Variants in CNTN5 observed in about 807,000 individuals in gnomAD.
CNTN5 encodes contactin 5.
CNTN5 carries 77 observed loss-of-function variants against 129.1 expected under a neutral mutation model. That is an observed-to-expected ratio of 0.60 (90% CI 0.50 to 0.72). The LOEUF (loss-of-function observed/expected upper bound fraction) is 0.72. Ranked by LOEUF, CNTN5 falls within the 30% of genes least tolerant of loss-of-function variation. The pLI is 0.00. For synonymous variants in CNTN5, 509 were observed against 465.6 expected (o/e 1.09, Z -1.20); for missense variants, 1,478 against 1,328.8 (o/e 1.11, Z -1.75).
At chr11:99,724,080 A>G (rs561743299) in intron 3 of CNTN5, among the ~76,000 whole-genome samples, 109 of 152,248 alleles carry the variant, frequency 7.2e-4, no homozygotes, top group Non-Finnish European at 8.1e-4. Flanking sequence ...TCTTCAATCA[A>G]ACTAGAAACT....
At chr11:99,321,172 C>A (rs1175678240) in intron 1 of CNTN5, among the ~76,000 whole-genome samples, 2 of 151,020 alleles carry the variant, frequency 1.3e-5, no homozygotes, top group Non-Finnish European at 1.5e-5. Flanking sequence ...CTTGTCAGCT[C>A]CCATAATCAC....
At chr11:99,928,463 T>C (rs1950113870) in intron 7 of CNTN5, among the ~76,000 whole-genome samples, 1 of 152,192 alleles carries the variant, frequency 6.6e-6, no homozygotes, top group Non-Finnish European at 1.5e-5. Context: ...CACTCCCATA[T>C]TCTGAAATCT....
intron 6 of CNTN5, among the ~76,000 whole-genome samples, chr11:99,865,186 G>A (rs1328309551): frequency 3.3e-5 from 5 of 151,970 alleles, no homozygotes; most frequent in Admixed American, 2.0e-4. Context: ...TTCCTTCTGT[G>A]CTTCAATAGC....
chr11:100,322,389 A>AT (rs1224152640), intron 21 of CNTN5, among the ~76,000 whole-genome samples: 1 of 151,770 alleles, frequency 6.6e-6, no homozygotes, highest in East Asian at 1.9e-4. Context: ...CGCCCGGCTA[A>AT]TTTTTTGTAT....
At chr11:100,229,225 C>T (rs1025523867) in intron 16 of CNTN5, among the ~76,000 whole-genome samples, 2 of 152,000 alleles carry the variant, frequency 1.3e-5, no homozygotes, top group Non-Finnish European at 2.9e-5. Context: ...TTTATTTTAC[C>T]CCATGAGTCA....
intron 3 of CNTN5, among the ~76,000 whole-genome samples, chr11:99,563,081 C>A (rs528974538): frequency 1.3e-5 from 2 of 152,014 alleles, no homozygotes; most frequent in African/African-American, 4.8e-5. Flanking sequence ...GAAGTACAGG[C>A]TGAAAAGAAT....
intron 7 of CNTN5, among the ~76,000 whole-genome samples, chr11:99,937,530 A>C (rs1413446215): frequency 6.6e-6 from 1 of 152,068 alleles, no homozygotes; most frequent in Non-Finnish European, 1.5e-5. Flanking sequence ...TGTGCTTCGG[A>C]GATGTGTGTG....
At chr11:100,299,948 A>T (rs1951182526) in intron 20 of CNTN5, among the ~76,000 whole-genome samples, 1 of 151,496 alleles carries the variant, frequency 6.6e-6, no homozygotes, top group Non-Finnish European at 1.5e-5. Flanking sequence ...AGAGAAATTG[A>T]CTTTCGGAAA....
At chr11:99,096,130 G>A (rs891127526) in intron 1 of CNTN5, among the ~76,000 whole-genome samples, 4 of 151,746 alleles carry the variant, frequency 2.6e-5, no homozygotes, top group African/African-American at 9.7e-5. Flanking sequence ...TACTAGTTAA[G>A]TAAATGTATC....
At chr11:99,055,523 C>T (rs1006910303) in intron 1 of CNTN5, among the ~76,000 whole-genome samples, 1 of 151,790 alleles carries the variant, frequency 6.6e-6, no homozygotes, top group Non-Finnish European at 1.5e-5. Flanking sequence ...GGAGACGTGC[C>T]CATTGGCTTT....
chr11:99,537,895 A>T (rs1054047879), intron 2 of CNTN5, among the ~76,000 whole-genome samples: 1 of 152,176 alleles, frequency 6.6e-6, no homozygotes, highest in Non-Finnish European at 1.5e-5. Context: ...TTAATGGCCT[A>T]GAAGACTTCA....
chr11:99,348,116 G>T (rs1216188256), intron 2 of CNTN5, among the ~76,000 whole-genome samples: 1 of 152,068 alleles, frequency 6.6e-6, no homozygotes, highest in Non-Finnish European at 1.5e-5. Context: ...CTTCTTAGCG[G>T]ATCACGAGGT....
At chr11:99,886,632 A>G (rs1359172887) in intron 6 of CNTN5, among the ~76,000 whole-genome samples, 1 of 152,228 alleles carries the variant, frequency 6.6e-6, no homozygotes, top group Non-Finnish European at 1.5e-5. Flanking sequence ...TGTTCTTAGC[A>G]GGATCGGTTG....
At chr11:99,834,766 A>C (rs1947251162) in intron 4 of CNTN5, among the ~76,000 whole-genome samples, 1 of 152,182 alleles carries the variant, frequency 6.6e-6, no homozygotes, top group Non-Finnish European at 1.5e-5. Context: ...AGATGGGGTT[A>C]CTACTAAGGC....
intron 1 of CNTN5, among the ~76,000 whole-genome samples, chr11:99,206,895 C>G (rs1328970103): frequency 6.6e-6 from 1 of 151,962 alleles, no homozygotes; most frequent in East Asian, 1.9e-4. Flanking sequence ...CCCCAAAAAG[C>G]AAACAAAAAC....
At chr11:99,369,433 A>T (rs1250758191) in intron 2 of CNTN5, among the ~76,000 whole-genome samples, 2 of 151,272 alleles carry the variant, frequency 1.3e-5, no homozygotes, top group East Asian at 1.9e-4. Flanking sequence ...TCCTAATTAT[A>T]CCAGTTTTCC....
At chr11:100,070,309 A>G in intron 10 of CNTN5, 115 bp from the exon 11 acceptor site, 2 of 1,061,792 alleles carry the variant, frequency 1.9e-6, no homozygotes, top group Non-Finnish European at 1.3e-6. Flanking sequence ...CAAAATACCT[A>G]TGGTTGAATG....
chr11:99,261,386 T>C (rs750392298), intron 1 of CNTN5, among the ~76,000 whole-genome samples: 2 of 152,044 alleles, frequency 1.3e-5, no homozygotes, highest in Non-Finnish European at 2.9e-5. Context: ...AGTAAAACAT[T>C]GATTGTTTAA....
chr11:100,097,216 C>G (rs759077834), intron 13 of CNTN5, among the ~76,000 whole-genome samples: 11 of 152,108 alleles, frequency 7.2e-5, no homozygotes, highest in South Asian at 4.1e-4. Context: ...AGCTTTTATT[C>G]AAGATGGAAG....
Sources: allele counts gnomAD v4.1 joint callset (sites outside exome capture counted in the v4.1 genomes callset), GRCh38; gene constraint gnomAD v4.1.1; transcripts MANE v1.5; gene names NCBI Gene and HGNC (gene_info 2026-07-23, HGNC 2026-07-21).